Variants in CREB5 observed in about 807,000 individuals in gnomAD.
CREB5 encodes the protein cyclic AMP-responsive element-binding protein 5.
CREB5 carries 19 observed loss-of-function variants against 57.1 expected under a neutral mutation model. The observed-to-expected ratio is 0.33, with a 90% CI of 0.23 to 0.49. The LOEUF is 0.49. Among genes scored for constraint, CREB5 ranks in the 20% least tolerant of loss-of-function variants. CREB5 has a pLI of 0.99. For synonymous variants in CREB5, 238 were observed against 238.3 expected, an observed-to-expected ratio of 1.00 and a Z score of 0.01; for missense variants, 579 against 671.6, an observed-to-expected ratio of 0.86 and a Z score of 1.52.
chr7:28,327,596 C>T (rs1785633529), intron 1 of CREB5, among the ~76,000 whole-genome samples: 2 of 152,176 alleles, frequency 1.3e-5, no homozygotes, highest in East Asian at 3.8e-4. Context: ...CCCACTTCTC[C>T]CATAATTGGG....
intron 5 of CREB5, among the ~76,000 whole-genome samples, chr7:28,572,443 C>T (rs749665428): frequency 3.3e-5 from 5 of 152,192 alleles, no homozygotes; most frequent in Non-Finnish European, 7.3e-5. Context: ...TCTAAATCTC[C>T]AGGGACTTCT....
rs750715015 is a variant in CREB5, at chr7:28,822,314, A to G, written c.*3035A>G. The G allele has an allele frequency of 1.3e-5, 2 of 152,424 alleles. No homozygotes were observed. Among genetic ancestry groups the G allele is most frequent in the African/African-American group, 4.8e-5 (2 of 41,444 alleles). 9.4% of individuals were successfully genotyped at this position (152,424 alleles called of 1,614,324 possible). ...GGTCAAATCCAACACTTGGCTTATCAATATTAAGTCTTTTACCTAAAGGCC... is the reference window on the plus strand; with the variant it reads ...GGTCAAATCCAACACTTGGCTTATCGATATTAAGTCTTTTACCTAAAGGCC... On this transcript the variant is annotated 3_prime_UTR_variant, in exon 11 of 11. Transcript: ENST00000357727.
intron 9 of CREB5, 110 bp from the exon 10 acceptor site, chr7:28,817,961 C>T (rs1809534958): frequency 1.4e-6 from 1 of 697,368 alleles, no homozygotes; most frequent in African/African-American, 1.8e-5. Flanking sequence ...TTCTTAATGT[C>T]ATTTAGACAT....
chr7:28,368,680 C>T lies in CREB5; in HGVS notation c.-25+69239C>T, dbSNP rs532935518. On this transcript the variant is annotated intron_variant, in intron 1 of 9. Coordinates refer to the CREB5 transcript ENST00000396299. The stretch of plus-strand genomic sequence containing the variant: ...TATACCTCAGCTCACATAACATCCC[C>T]TTTTAGAAATCCTCCCTGACCACAT... 5.3e-5 allele frequency among the ~76,000 whole-genome samples: 8 copies of T among 152,318 alleles called. No homozygotes were observed. In the East Asian group the frequency reaches 1.5e-3, roughly 29 times the overall value.
intron 7 of CREB5, among the ~76,000 whole-genome samples, chr7:28,782,716 A>G (rs1807060075): frequency 1.3e-5 from 2 of 152,354 alleles, no homozygotes; most frequent in South Asian, 4.1e-4. Context: ...AGGATTTGGC[A>G]TTTCTTGGGG....
intron 1 of CREB5, among the ~76,000 whole-genome samples, chr7:28,465,155 G>A (rs1216697793): frequency 6.6e-6 from 1 of 152,212 alleles, no homozygotes; most frequent in East Asian, 1.9e-4. Flanking sequence ...CTTCAGGTGA[G>A]CTCTAGGGAC....
chr7:28,311,206 C>G (rs1262139717), intron 1 of CREB5, among the ~76,000 whole-genome samples: 3 of 151,676 alleles, frequency 2.0e-5, no homozygotes, highest in Non-Finnish European at 2.9e-5. Flanking sequence ...AAGAGTGAGC[C>G]TACACTGCAT....
chr7:28,333,496 A>T (rs577181563), intron 1 of CREB5, among the ~76,000 whole-genome samples: 14 of 152,174 alleles, frequency 9.2e-5, no homozygotes, highest in African/African-American at 3.4e-4. Context: ...CTGATTCATT[A>T]TTTTTACCTT....
intron 7 of CREB5, among the ~76,000 whole-genome samples, chr7:28,801,594 T>C (rs77565088): frequency 1.2e-4 from 19 of 152,344 alleles, no homozygotes; most frequent in African/African-American, 4.6e-4. Flanking sequence ...ATTCTAGTTA[T>C]TCTTTCATCT....
At chr7:28,403,110 G>T (rs994108019) in intron 1 of CREB5, among the ~76,000 whole-genome samples, 3 of 152,220 alleles carry the variant, frequency 2.0e-5, no homozygotes, top group South Asian at 2.1e-4. Context: ...GAAGGGTAAA[G>T]TGTGATGGCT....
At chr7:28,646,134 T>C (rs890706324) in intron 5 of CREB5, among the ~76,000 whole-genome samples, 1 of 152,194 alleles carries the variant, frequency 6.6e-6, no homozygotes, top group Non-Finnish European at 1.5e-5. Flanking sequence ...CATTGTCATG[T>C]GAACCTGTCC....
intron 1 of CREB5, among the ~76,000 whole-genome samples, chr7:28,364,305 A>G (rs17715746): frequency 0.11 from 17,309 of 152,290 alleles, 1,211 homozygotes; most frequent in Middle Eastern, 0.16. Context: ...CCCAAATTGC[A>G]GGAACATTAA....
chr7:28,522,027 T>C (rs116177518), intron 4 of CREB5, among the ~76,000 whole-genome samples: 3,037 of 152,338 alleles, frequency 0.02, 104 homozygotes, highest in African/African-American at 0.07. Context: ...TCCTACTATT[T>C]GTCAGGTGCC....
chr7:28,809,143 G>A (rs371001756), intron 8 of CREB5, 44 bp from the exon 9 acceptor site: 16 of 1,541,046 alleles, frequency 1.0e-5, no homozygotes, highest in South Asian at 2.5e-5. Flanking sequence ...ACCTAACCAC[G>A]TCCTTCCCTA....
intron 1 of CREB5, among the ~76,000 whole-genome samples, chr7:28,464,444 A>G (rs1285601206): frequency 6.6e-6 from 1 of 151,356 alleles, no homozygotes; most frequent in Admixed American, 6.6e-5. Flanking sequence ...AATATTTGGT[A>G]GAATTTAGCA....
chr7:28,716,526 T>C (rs1416855854), intron 5 of CREB5, among the ~76,000 whole-genome samples: 1 of 152,234 alleles, frequency 6.6e-6, no homozygotes, highest in Non-Finnish European at 1.5e-5. Context: ...AGATGGATGA[T>C]TAGCTATATG....
chr7:28,743,523 C>T (rs934130300), intron 7 of CREB5, among the ~76,000 whole-genome samples: 1 of 152,040 alleles, frequency 6.6e-6, no homozygotes, highest in Non-Finnish European at 1.5e-5. Context: ...CAGAGTGAGA[C>T]CCTGTTTCAA....
chr7:28,390,924 G>A (rs1043820102), intron 1 of CREB5, among the ~76,000 whole-genome samples: 17 of 137,078 alleles, frequency 1.2e-4, no homozygotes, highest in African/African-American at 4.2e-4. Flanking sequence ...TTAACTCTTT[G>A]AAAGATGGGT....
chr7:28,362,783 T>C (rs1205755468), intron 1 of CREB5, among the ~76,000 whole-genome samples: 2 of 152,188 alleles, frequency 1.3e-5, no homozygotes, highest in African/African-American at 4.8e-5. Flanking sequence ...AAAAACAAGC[T>C]TAGCAAATAT....
Sources: allele counts gnomAD v4.1 joint callset (sites outside exome capture counted in the v4.1 genomes callset), GRCh38; gene constraint gnomAD v4.1.1; transcripts MANE v1.5; gene names NCBI Gene and HGNC (gene_info 2026-07-23, HGNC 2026-07-21).